Variants in JAZF1 observed in about 807,000 individuals in gnomAD.
The protein encoded by JAZF1 is JAZF zinc finger 1, also known as juxtaposed with another zinc finger protein 1.
JAZF1 carries 8 observed loss-of-function variants against 26.4 expected under a neutral mutation model. The ratio of observed to expected loss-of-function variants is 0.30; its 90% CI spans 0.18 to 0.55. The LOEUF (loss-of-function observed/expected upper bound fraction) is 0.55, where lower values mean the gene tolerates loss of function less well. Among genes scored for constraint, JAZF1 ranks in the 20% least tolerant of loss-of-function variants. The pLI, the probability that JAZF1 is intolerant of heterozygous loss-of-function variation, is 0.94. For synonymous variants in JAZF1, 126 were observed against 122.3 expected, an observed-to-expected ratio of 1.03 and a Z score of -0.20; for missense variants, 199 against 322.0, an observed-to-expected ratio of 0.62 and a Z score of 2.92.
intron 1 of JAZF1, among the ~76,000 whole-genome samples, chr7:28,123,022 T>C (rs1347777268): frequency 6.6e-6 from 1 of 152,110 alleles, no homozygotes; most frequent in African/African-American, 2.4e-5. Flanking sequence ...AAGACAAAGA[T>C]GTCACCTCCC....
intron 1 of JAZF1, among the ~76,000 whole-genome samples, chr7:28,114,038 G>C (rs990928932): frequency 6.6e-6 from 1 of 152,138 alleles, no homozygotes; most frequent in South Asian, 2.1e-4. Flanking sequence ...TTTGGGTATT[G>C]TTTATTATTC....
intron 1 of JAZF1, among the ~76,000 whole-genome samples, chr7:28,088,092 G>A (rs914049622): frequency 3.9e-5 from 6 of 152,122 alleles, no homozygotes; most frequent in African/African-American, 1.4e-4. Flanking sequence ...AACAGAAACA[G>A]CCTGAAAACC....
intron 1 of JAZF1, among the ~76,000 whole-genome samples, chr7:28,043,618 C>T (rs935332484): frequency 6.6e-6 from 1 of 152,070 alleles, no homozygotes; most frequent in African/African-American, 2.4e-5. Context: ...TACCATATGA[C>T]GGGCAATTCC....
At chr7:28,064,232 T>G (rs1230924530) in intron 1 of JAZF1, among the ~76,000 whole-genome samples, 2 of 152,104 alleles carry the variant, frequency 1.3e-5, no homozygotes, top group Non-Finnish European at 2.9e-5. Context: ...GTCTTTTAAT[T>G]TTAATTTCCC....
chr7:28,049,197 C>T (rs1439920725), intron 1 of JAZF1, among the ~76,000 whole-genome samples: 1 of 151,576 alleles, frequency 6.6e-6, no homozygotes, highest in Non-Finnish European at 1.5e-5. Flanking sequence ...ATTCTCCTGC[C>T]TCAGTCTCCA....
chr7:28,016,247 T>C (rs1295345902), intron 1 of JAZF1, among the ~76,000 whole-genome samples: 2 of 152,220 alleles, frequency 1.3e-5, no homozygotes, highest in African/African-American at 4.8e-5. Context: ...CCTGGAGCTC[T>C]TGATGATGCA....
At chr7:28,165,847 G>A (rs923303999) in intron 1 of JAZF1, among the ~76,000 whole-genome samples, 1 of 152,182 alleles carries the variant, frequency 6.6e-6, no homozygotes. Context: ...CATGTATTGT[G>A]TTTTGTCTGC....
intron 2 of JAZF1, among the ~76,000 whole-genome samples, chr7:27,901,500 C>T (rs1378603111): frequency 1.3e-5 from 2 of 152,190 alleles, no homozygotes; most frequent in Non-Finnish European, 2.9e-5. Flanking sequence ...CCATTGCCAC[C>T]TCACTCCATG....
At chr7:28,070,294 A>G (rs1024815437) in intron 1 of JAZF1, among the ~76,000 whole-genome samples, 9 of 152,188 alleles carry the variant, frequency 5.9e-5, no homozygotes, top group African/African-American at 1.9e-4. Flanking sequence ...ATACCTCACG[A>G]AAGTGATCTG....
At chr7:27,848,820 C>T (rs1760227269) in intron 3 of JAZF1, among the ~76,000 whole-genome samples, 1 of 152,230 alleles carries the variant, frequency 6.6e-6, no homozygotes, top group Non-Finnish European at 1.5e-5. Context: ...ATACCCAAAC[C>T]TACCTGTGCT....
chr7:27,950,448 T>C (rs1784990474), intron 2 of JAZF1, among the ~76,000 whole-genome samples: 1 of 152,152 alleles, frequency 6.6e-6, no homozygotes, highest in African/African-American at 2.4e-5. Flanking sequence ...AGTAGCCCTA[T>C]CTAGTTGAAA....
intron 3 of JAZF1, among the ~76,000 whole-genome samples, chr7:27,874,291 C>T (rs1385631345): frequency 6.6e-6 from 1 of 152,216 alleles, no homozygotes; most frequent in East Asian, 1.9e-4. Context: ...CTGTTACGTC[C>T]TTAGCAGAAC....
intron 1 of JAZF1, among the ~76,000 whole-genome samples, chr7:28,178,267 A>C (rs1247422477): frequency 6.6e-6 from 1 of 152,116 alleles, no homozygotes; most frequent in Non-Finnish European, 1.5e-5. Context: ...TAAAAAAAAA[A>C]CCTCATGATT....
intron 2 of JAZF1, among the ~76,000 whole-genome samples, chr7:27,943,776 A>T (rs1268595104): frequency 6.6e-6 from 1 of 152,142 alleles, no homozygotes; most frequent in Non-Finnish European, 1.5e-5. Context: ...TGAGCTACAA[A>T]GCTCTTTCTC....
chr7:28,176,406 T>C (rs759706824), intron 1 of JAZF1, among the ~76,000 whole-genome samples: 1 of 152,196 alleles, frequency 6.6e-6, no homozygotes, highest in Non-Finnish European at 1.5e-5. Context: ...CATGACTAAC[T>C]CTCACACCTC....
At chr7:27,898,650 T>C (rs575251416) in intron 2 of JAZF1, among the ~76,000 whole-genome samples, 9 of 152,108 alleles carry the variant, frequency 5.9e-5, no homozygotes, top group Middle Eastern at 6.8e-3. Flanking sequence ...TAAACAACCA[T>C]AACAACATTC....
chr7:27,853,161 T>C (rs1783182474), intron 3 of JAZF1, among the ~76,000 whole-genome samples: 1 of 152,194 alleles, frequency 6.6e-6, no homozygotes, highest in Non-Finnish European at 1.5e-5. Context: ...ACTGATTTCC[T>C]ACTATGGAAG....
At chr7:28,083,339 A>ACTCAAC (rs1784166488) in intron 1 of JAZF1, among the ~76,000 whole-genome samples, 1 of 152,150 alleles carries the variant, frequency 6.6e-6, no homozygotes, top group African/African-American at 2.4e-5. Flanking sequence ...CATGACAGCC[A>ACTCAAC]CTCAACGGAT....
intron 1 of JAZF1, among the ~76,000 whole-genome samples, chr7:28,064,205 T>C (rs1292066956): frequency 6.6e-6 from 1 of 152,112 alleles, no homozygotes; most frequent in Non-Finnish European, 1.5e-5. Flanking sequence ...CATCTGGCTA[T>C]ATATTTACTT....
Sources: gnomAD v4.1 joint callset for allele counts (sites outside exome capture counted in the v4.1 genomes callset) on GRCh38, gnomAD v4.1.1 for gene constraint, MANE v1.5 for transcripts, NCBI Gene and HGNC (gene_info 2026-07-23, HGNC 2026-07-21) for gene names.